Variants in KCNT2 observed in about 807,000 individuals in gnomAD.
KCNT2 encodes potassium channel subfamily T member 2.
In KCNT2, 67 loss-of-function variants were observed where a neutral mutation model predicts 153.8. The observed-to-expected ratio is 0.44, with a 90% CI of 0.36 to 0.53. The LOEUF (loss-of-function observed/expected upper bound fraction) is 0.53, where lower values mean the gene tolerates loss of function less well. Ranked by LOEUF, KCNT2 falls within the 20% of genes least tolerant of loss-of-function variation. The pLI is 0.00. For synonymous variants in KCNT2, 500 were observed against 458.8 expected (o/e 1.09, Z -1.15); for missense variants, 975 against 1,354.8 (o/e 0.72, Z 4.40).
intron 21 of KCNT2, among the ~76,000 whole-genome samples, chr1:196,307,474 T>G (rs541782505): frequency 1.3e-5 from 2 of 152,250 alleles, no homozygotes; most frequent in South Asian, 4.1e-4. Flanking sequence ...TGTTGGCTTC[T>G]CTAGCTACCT....
chr1:196,326,890 CTAGAG>C lies in KCNT2; in HGVS notation c.2104-6_2104-2del. On this transcript the variant is annotated splice_acceptor_variant and splice_polypyrimidine_tract_variant and intron_variant, in intron 18 of 27. Transcript: ENST00000294725. LOFTEE classifies it high-confidence loss of function. ...CCTCATAGTAGTTATGTTGGCAACT[CTAGAG>C]AAGAGAAAGTATACATTGAAATGCC... 6.5e-7 allele frequency: 1 copy of C among 1,537,576 alleles called. No individual in the cohort carries two copies. Among genetic ancestry groups the C allele is most frequent in the Non-Finnish European group, 8.7e-7 (1 of 1,147,574 alleles).
At chr1:196,506,363 A>C (rs1461758813) in intron 1 of KCNT2, among the ~76,000 whole-genome samples, 3 of 152,202 alleles carry the variant, frequency 2.0e-5, no homozygotes. Flanking sequence ...ATAAACGTAT[A>C]ATTGGAAAAA....
chr1:196,465,798 T>C (rs1409457152), intron 7 of KCNT2, among the ~76,000 whole-genome samples: 1 of 151,910 alleles, frequency 6.6e-6, no homozygotes, highest in Non-Finnish European at 1.5e-5. Context: ...ACAAAGCTCA[T>C]TATCAGGAAA....
At chr1:196,257,965 A>G in intron 26 of KCNT2, 1 of 1,175,698 alleles carries the variant, frequency 8.5e-7, no homozygotes, top group Admixed American at 4.0e-5. Flanking sequence ...TAATTCATGT[A>G]ATGGGTTTAG....
chr1:196,595,944 G>A (rs1664010485), intron 1 of KCNT2, among the ~76,000 whole-genome samples: 1 of 151,402 alleles, frequency 6.6e-6, no homozygotes, highest in South Asian at 2.1e-4. Flanking sequence ...ATGATGTTTG[G>A]TTTTCCATTC....
Position 196,340,488 on chromosome 1 carries a change from A to C in KCNT2, c.1636T>G (p.Ser546Ala). ...TTAATATAAAAGCATATGTCTGTAG[A>C]ATTCATAATGTATCGAGGACCTGGA... ...LNPGPRYIMN[S>A]TDICFYINIT... The change falls in exon 16 of 28, where the codon TCT (serine) becomes GCT (alanine). Residue 546 changes from serine to alanine, a missense_variant. By Grantham distance (99) the Ser-to-Ala change is moderately conservative (BLOSUM62 1). This residue lies in a region of KCNT2 where 325 missense variants were observed against 388.1 expected (regional missense o/e 0.84). Transcript: ENST00000294725. 6.2e-7 allele frequency: 1 copy of C among 1,612,042 alleles called. No individual in the cohort carries two copies. Among genetic ancestry groups the C allele is most frequent in the Non-Finnish European group, 8.5e-7 (1 of 1,178,646 alleles).
intron 8 of KCNT2, among the ~76,000 whole-genome samples, chr1:196,444,232 T>TTA (rs1205852223): frequency 1.3e-5 from 2 of 151,438 alleles, no homozygotes; most frequent in East Asian, 3.9e-4. Flanking sequence ...TAAACTTTTC[T>TTA]GACTTTAATA....
intron 8 of KCNT2, among the ~76,000 whole-genome samples, chr1:196,431,931 G>A (rs1674188242): frequency 6.6e-6 from 1 of 152,088 alleles, no homozygotes; most frequent in Non-Finnish European, 1.5e-5. Context: ...TCAAGACAAT[G>A]GAAGAATAAT....
intron 1 of KCNT2, among the ~76,000 whole-genome samples, chr1:196,592,595 T>C (rs1663511878): frequency 6.8e-6 from 1 of 147,384 alleles, no homozygotes; most frequent in African/African-American, 2.5e-5. Flanking sequence ...TAGAAAGTTA[T>C]ATATTAATAT....
chr1:196,428,077 T>C, intron 10 of KCNT2, 28 bp downstream of exon 10: 2 of 1,575,666 alleles, frequency 1.3e-6, no homozygotes, highest in Non-Finnish European at 1.7e-6. Context: ...TATGATCCAG[T>C]ATAGCACATA....
chr1:196,302,284 A>C (rs1411770325), intron 22 of KCNT2, among the ~76,000 whole-genome samples: 1 of 152,186 alleles, frequency 6.6e-6, no homozygotes, highest in African/African-American at 2.4e-5. Context: ...AAAGATAATT[A>C]AATACTGTGT....
chr1:196,317,960 GATTAT>G (rs1264106596), intron 20 of KCNT2, among the ~76,000 whole-genome samples: 1 of 151,242 alleles, frequency 6.6e-6, no homozygotes, highest in East Asian at 2.0e-4. Context: ...TCTGCTTTAA[GATTAT>G]ATTATTATTT....
intron 1 of KCNT2, among the ~76,000 whole-genome samples, chr1:196,568,469 G>T (rs1660371943): frequency 6.6e-6 from 1 of 151,772 alleles, no homozygotes; most frequent in Non-Finnish European, 1.5e-5. Flanking sequence ...GGTGGCCGGC[G>T]CCTATAGTCC....
intron 1 of KCNT2, among the ~76,000 whole-genome samples, chr1:196,552,351 G>T (rs1007720324): frequency 1.3e-5 from 2 of 151,154 alleles, no homozygotes; most frequent in East Asian, 3.9e-4. Context: ...TTTTCTAGGA[G>T]TCTTTATAAT....
intron 25 of KCNT2, among the ~76,000 whole-genome samples, chr1:196,275,992 C>T (rs1300186418): frequency 6.6e-6 from 1 of 151,960 alleles, no homozygotes; most frequent in Non-Finnish European, 1.5e-5. Flanking sequence ...TCTCTTAATT[C>T]CCTCTCATAA....
At chr1:196,571,546 C>T (rs922653897) in intron 1 of KCNT2, among the ~76,000 whole-genome samples, 1 of 152,096 alleles carries the variant, frequency 6.6e-6, no homozygotes, top group Non-Finnish European at 1.5e-5. Context: ...TCTTAAAAGA[C>T]ATCTGGATTC....
At chr1:196,592,162 C>T (rs920363220) in intron 1 of KCNT2, among the ~76,000 whole-genome samples, 8 of 151,792 alleles carry the variant, frequency 5.3e-5, no homozygotes, top group Non-Finnish European at 7.4e-5. Flanking sequence ...TACATATACA[C>T]AATGGTGTAC....
At chr1:196,400,142 T>G (rs557430569) in intron 12 of KCNT2, among the ~76,000 whole-genome samples, 10 of 151,786 alleles carry the variant, frequency 6.6e-5, no homozygotes, top group Non-Finnish European at 1.3e-4. Flanking sequence ...ATAATTCTAC[T>G]AAGATTCATC....
chr1:196,267,791 G>A (rs539836958), intron 25 of KCNT2, among the ~76,000 whole-genome samples: 5 of 152,250 alleles, frequency 3.3e-5, no homozygotes, highest in Admixed American at 3.3e-4. Context: ...CACCCTGCAA[G>A]TCTGACATAG....
Sources: allele counts gnomAD v4.1 joint callset (sites outside exome capture counted in the v4.1 genomes callset), GRCh38; gene constraint gnomAD v4.1.1; regional missense constraint gnomAD v4.1.1; transcripts MANE v1.5; gene names NCBI Gene and HGNC (gene_info 2026-07-23, HGNC 2026-07-21).